The following MEGF6 variants were observed in gnomAD, a reference collection of about 807,000 sequenced individuals.
The protein encoded by MEGF6 is multiple epidermal growth factor-like domains protein 6.
MEGF6 carries 184 observed loss-of-function variants against 207.1 expected under a neutral mutation model. The ratio of observed to expected loss-of-function variants is 0.89; its 90% confidence interval spans 0.79 to 1.00. The LOEUF is 1.00. MEGF6 is among the 50% of genes least tolerant of loss of function. MEGF6 has a pLI of 0.00. For synonymous variants in MEGF6, 1,038 were observed against 910.0 expected (o/e 1.14, Z -2.53); for missense variants, 2,282 against 2,202.9 (o/e 1.04, Z -0.72).
At chr1:3,531,118 T>C (rs1376090344) in intron 4 of MEGF6, 12 of 1,527,852 alleles carry the variant, frequency 7.9e-6, no homozygotes, top group Non-Finnish European at 1.1e-5. Context: ...GTAGCCGGCC[T>C]GGCCCAGGTG....
At chr1:3,539,691 G>T (rs1039347635) in intron 4 of MEGF6, among the ~76,000 whole-genome samples, 7 of 152,188 alleles carry the variant, frequency 4.6e-5, no homozygotes, top group African/African-American at 1.7e-4. Flanking sequence ...GTGGCTACCT[G>T]GGCGCCTCGG....
intron 3 of MEGF6, 49 bp from the exon 4 acceptor site, chr1:3,579,978 C>A: frequency 1.5e-6 from 2 of 1,368,476 alleles, no homozygotes; most frequent in Admixed American, 3.1e-5. Flanking sequence ...AGGGGTGAGG[C>A]AGGGGGAGGT....
rs769355077 is a variant in MEGF6, at chr1:3,511,656, C to G, written c.1008G>C (p.Glu336Asp). The G allele has an allele frequency of 3.1e-6, 5 of 1,611,348 alleles. No homozygotes were observed. In the East Asian group the frequency reaches 6.7e-5, roughly 22 times the overall value. The stretch of plus-strand genomic sequence containing the variant: ...CATGGGAGCAGCCGCCGTTGTTGGC[C>G]TCACAGCTGTTCACGATTTCCATCT... ...RIEMEIVNSC[E>D]ANNGGCSHGC... is the part of the protein sequence containing the mutation. The change falls in exon 9 of 37, where the codon GAG (glutamate) becomes GAC (aspartate). Residue 336 changes from glutamate (E) to aspartate (D), a missense_variant. Coordinates refer to ENST00000356575, the MANE Select transcript of MEGF6 (RefSeq NM_001409.4).
Position 3,499,608 on chromosome 1 carries a change from C to T in MEGF6, c.2945G>A (p.Arg982Gln), listed in dbSNP as rs776478639. The T allele has an allele frequency of 7.6e-6, 12 of 1,583,520 alleles. No individual in the cohort carries two copies. Among genetic ancestry groups the T allele is most frequent in the East Asian group, 6.9e-5 (3 of 43,602 alleles). The change falls in exon 23 of 37, where the codon CGG becomes CAG. Residue 982 changes from arginine to glutamine, a missense_variant. By Grantham distance (43) the Arg-to-Gln change is conservative (BLOSUM62 1). Transcript: ENST00000356575. ...NGSCLCPAGR[R>Q]GPRCAETCPA... ...CGCACTCTCGGCACAGCGGGGGCCCCGGCGGCCAGCGGGGCAGAGGCAGGA... is the reference window on the plus strand; with the variant it reads ...CGCACTCTCGGCACAGCGGGGGCCCTGGCGGCCAGCGGGGCAGAGGCAGGA...
At chr1:3,623,882 T>A in the MEGF6 span, among the ~76,000 whole-genome samples, 1 of 152,120 alleles carries the variant, frequency 6.6e-6, no homozygotes, top group African/African-American at 2.4e-5. Context: ...CAGCATTGGT[T>A]TCTTCCACTC....
chr1:3,550,564 T>C (rs1275901557), intron 4 of MEGF6, among the ~76,000 whole-genome samples: 1 of 152,232 alleles, frequency 6.6e-6, no homozygotes, highest in African/African-American at 2.4e-5. Context: ...GAGAAAAACG[T>C]CATCCCAAGA....
chr1:3,576,041 T>A (rs1173223285), intron 4 of MEGF6, among the ~76,000 whole-genome samples: 2 of 152,220 alleles, frequency 1.3e-5, no homozygotes, highest in Non-Finnish European at 2.9e-5. Context: ...TGGAGTAGGT[T>A]ACCCCGGTCA....
At chr1:3,501,547 C>T (rs576919259) in intron 18 of MEGF6, among the ~76,000 whole-genome samples, 4 of 152,176 alleles carry the variant, frequency 2.6e-5, no homozygotes, top group South Asian at 2.1e-4. Context: ...CACAAGGAGC[C>T]GAGCCCGTTA....
intron 14 of MEGF6, 67 bp from the exon 15 acceptor site, chr1:3,506,303 T>C (rs1278979867): frequency 6.4e-7 from 1 of 1,560,698 alleles, no homozygotes; most frequent in Non-Finnish European, 8.7e-7. Flanking sequence ...TCCCCCCATG[T>C]GGTAGGATGC....
intron 9 of MEGF6, 75 bp downstream of exon 9, chr1:3,511,475 G>C: frequency 6.6e-7 from 1 of 1,513,782 alleles, no homozygotes; most frequent in East Asian, 2.3e-5. Context: ...TCATGGCATG[G>C]AACTGATCCC....
intron 3 of MEGF6, among the ~76,000 whole-genome samples, chr1:3,586,950 T>C (rs1014348576): frequency 1.3e-5 from 2 of 152,228 alleles, no homozygotes; most frequent in Non-Finnish European, 2.9e-5. Context: ...CAGGGCAGTG[T>C]CCAGCAGCCT....
At chr1:3,519,572 G>A (rs1641669441) in intron 5 of MEGF6, among the ~76,000 whole-genome samples, 2 of 152,354 alleles carry the variant, frequency 1.3e-5, no homozygotes, top group Admixed American at 6.5e-5. Context: ...TCTCCAGAGC[G>A]TTTAGGAAGG....
chr1:3,607,568 T>C (rs531269510), intron 1 of MEGF6, among the ~76,000 whole-genome samples: 1 of 151,970 alleles, frequency 6.6e-6, no homozygotes, highest in South Asian at 2.1e-4. Flanking sequence ...TTTCCACCTG[T>C]GAGGATGGAG....
intron 4 of MEGF6, chr1:3,531,373 C>T (rs1642163915): frequency 1.7e-6 from 2 of 1,180,474 alleles, no homozygotes; most frequent in Non-Finnish European, 2.1e-6. Context: ...ATCCCAGCCC[C>T]GGGATCCGCT....
intron 4 of MEGF6, among the ~76,000 whole-genome samples, chr1:3,553,469 G>C (rs1026044948): frequency 6.6e-6 from 1 of 152,164 alleles, no homozygotes; most frequent in African/African-American, 2.4e-5. Flanking sequence ...CACCATGCAG[G>C]ATAGAGGCTG....
chr1:3,512,114 C>G lies in MEGF6; in HGVS notation c.868G>C (p.Ala290Pro), dbSNP rs781122782. Residue 290 changes from alanine to proline, a missense_variant, in exon 8 of 37, where the codon GCC (alanine) becomes CCC (proline). Transcript: ENST00000356575. ...GKACEDVDECAAGLAQCAHGC... is the reference protein window; with the variant it reads ...GKACEDVDECPAGLAQCAHGC... Reference sequence around the variant, plus strand: ...TGGGCACACTGGGCCAGCCCTGCGGCACATTCGTCCACATCTGGAGGGGAG... The same window carrying G: ...TGGGCACACTGGGCCAGCCCTGCGGGACATTCGTCCACATCTGGAGGGGAG... The G allele has an allele frequency of 1.6e-5, 25 of 1,607,160 alleles. No individual in the cohort carries two copies. Among genetic ancestry groups the G allele is most frequent in the Middle Eastern group, 1.7e-4 (1 of 6,056 alleles).
At position 3,560,328 on chromosome 1, in the gene MEGF6, G is replaced by A. The variant is rs767039422; in HGVS notation, c.481+19497C>T. Among the ~76,000 whole-genome samples the A allele has an allele frequency of 7.9e-5, 12 of 152,156 alleles. No individual in the cohort carries two copies. The highest frequency in any genetic ancestry group is 1.5e-4 in the Non-Finnish European group (10 of 68,032). The stretch of plus-strand genomic sequence containing the variant: ...CACATTGTTGTTAACTGAGTCCAGG[G>A]TTCCTTTCAGGGCCCACTAGGGGCT... On this transcript the variant is annotated intron_variant, in intron 4 of 36. Transcript: ENST00000356575. The surrounding 1 kb of genome is among the most constrained non-coding windows in gnomAD (Gnocchi z 4.0).
rs75784454 is a variant in MEGF6, at chr1:3,536,796, C to A, written c.482-12550G>T. The stretch of plus-strand genomic sequence containing the variant: ...AGGCCAGATCGAGGGCCAGTGCCAC[C>A]CCCAAATGTCACTGCTCCCCCTTGG... On this transcript the variant is annotated intron_variant, in intron 4 of 36. Transcript: ENST00000356575. 8.5e-3 allele frequency among the ~76,000 whole-genome samples: 1,293 copies of A among 152,350 alleles called. 69 individuals are homozygous for A. The East Asian group carries it at 0.12, about 15-fold the overall frequency.
chr1:3,532,237 A>G (rs535305903), intron 4 of MEGF6, among the ~76,000 whole-genome samples: 2 of 152,358 alleles, frequency 1.3e-5, no homozygotes, highest in African/African-American at 4.8e-5. Flanking sequence ...ACCACAGATT[A>G]GAGCCTCGTC....
Sources: allele counts gnomAD v4.1 joint callset (sites outside exome capture counted in the v4.1 genomes callset), GRCh38; gene constraint gnomAD v4.1.1; non-coding constraint Gnocchi (gnomAD v3.1); transcripts MANE v1.5; gene names NCBI Gene and HGNC (gene_info 2026-07-23, HGNC 2026-07-21).